SYTL4: variants seen among roughly 807,000 people sequenced by gnomAD.
SYTL4 encodes synaptotagmin-like protein 4.
A neutral mutation model predicts 52.7 loss-of-function variants in SYTL4; 16 were observed. The ratio of observed to expected loss-of-function variants is 0.30; its 90% confidence interval spans 0.21 to 0.46. The LOEUF (loss-of-function observed/expected upper bound fraction) is 0.46. SYTL4 is among the 20% of genes least tolerant of loss of function. The pLI, the probability that SYTL4 is intolerant of heterozygous loss-of-function variation, is 1.00. For missense variants in SYTL4, 423 were observed against 519.9 expected (o/e 0.81, Z 1.81); for synonymous variants, 160 against 186.6 (o/e 0.86, Z 1.16).
intron 2 of SYTL4, among the ~76,000 whole-genome samples, chrX:100,714,834 A>G: frequency 8.9e-6 from 1 of 111,875 alleles, no homozygotes; most frequent in Non-Finnish European, 1.9e-5. Flanking sequence ...AAAATCAAGT[A>G]TAAAAATAAA....
At chrX:100,703,027 G>C (rs765423773) in intron 4 of SYTL4, 66 bp downstream of exon 4, 4 of 111,376 alleles carry the variant, frequency 3.6e-5, no homozygotes, top group Non-Finnish European at 7.5e-5. Context: ...TTTGGGACCA[G>C]ATTACATAAC....
At chrX:100,682,234 T>A (rs1225031415) in intron 16 of SYTL4, among the ~76,000 whole-genome samples, 2 of 111,907 alleles carry the variant, frequency 1.8e-5, no homozygotes, top group Non-Finnish European at 3.8e-5. Context: ...AAACTTATCC[T>A]CGTTTCCTCT....
At chrX:100,685,922 A>G in intron 16 of SYTL4, 68 bp downstream of exon 16, 3 of 1,049,584 alleles carry the variant, frequency 2.9e-6, no homozygotes, top group Non-Finnish European at 3.8e-6. Flanking sequence ...ACCAACATAG[A>G]CCAGCAGAGG....
chrX:100,709,644 T>C (rs1233669554), intron 2 of SYTL4, among the ~76,000 whole-genome samples: 1 of 112,499 alleles, frequency 8.9e-6, no homozygotes, highest in African/African-American at 3.2e-5. Context: ...AAAATGAAGA[T>C]AAAAATTGTA....
At chrX:100,731,176 A>C (rs1233769745) in intron 2 of SYTL4, among the ~76,000 whole-genome samples, 1 of 111,780 alleles carries the variant, frequency 8.9e-6, no homozygotes, top group Non-Finnish European at 1.9e-5. Context: ...ATCCCACCTC[A>C]TTCAATGTTA....
intron 17 of SYTL4, 147 bp downstream of exon 17, chrX:100,681,080 G>T: frequency 4.2e-6 from 2 of 477,914 alleles, no homozygotes; most frequent in Admixed American, 7.1e-5. Context: ...ACGCAGAGAG[G>T]CTTCCTTAGT....
At chrX:100,699,161 G>A (rs2083780356) in intron 8 of SYTL4, among the ~76,000 whole-genome samples, 1 of 110,600 alleles carries the variant, frequency 9.0e-6, no homozygotes, top group Non-Finnish European at 1.9e-5. Flanking sequence ...GAAGTCAGGA[G>A]TTCAAGACCA....
chrX:100,730,922 TG>T lies in SYTL4; in HGVS notation c.-240+495del, dbSNP rs1680944104. On this transcript the variant is annotated intron_variant, in intron 2 of 19. Transcript: ENST00000372989. ...TCAATATTAATAGATTTATGAGAGG[TG>T]GGGGTGGGGAGCTTAAAGAGCAGAA... Among the ~76,000 whole-genome samples, 3 of 43,282 alleles carry T rather than the reference TG, an allele frequency of 6.9e-5. 1 individual carries two copies. Among genetic ancestry groups the T allele is most frequent in the Admixed American group, 5.9e-4 (2 of 3,395 alleles). 37.6% of individuals were successfully genotyped at this position (43,282 alleles called of 115,157 possible).
chrX:100,676,265 A>G (rs1005854231), intron 19 of SYTL4, 89 bp from the exon 20 acceptor site: 19 of 1,026,116 alleles, frequency 1.9e-5, no homozygotes, highest in Non-Finnish European at 2.5e-5. Context: ...TAGCCACCCC[A>G]TAACAGTTTC....
intron 12 of SYTL4, 67 bp downstream of exon 12, chrX:100,689,789 G>T: frequency 2.9e-6 from 2 of 684,391 alleles, no homozygotes; most frequent in Non-Finnish European, 4.5e-6. Context: ...AGAATATCAG[G>T]TACTAAAGCC....
chrX:100,715,943 C>A (rs2084194408), intron 2 of SYTL4, among the ~76,000 whole-genome samples: 1 of 51,658 alleles, frequency 1.9e-5, no homozygotes. Flanking sequence ...TTCTCTCTCT[C>A]TCAAAAAAAA....
At position 100,679,315 on chromosome X, in the gene SYTL4, C is replaced by T; in HGVS notation, c.1656G>A (p.Lys552=). The T allele has an allele frequency of 1.7e-6, 2 of 1,207,005 alleles. No homozygotes were observed. The highest frequency in any genetic ancestry group is 2.2e-6 in the Non-Finnish European group (2 of 891,450). Residue 552 remains lysine (K), a splice_region_variant and synonymous_variant, in exon 18 of 20, where the codon AAG becomes AAA. Coordinates refer to ENST00000372989, the MANE Select transcript of SYTL4 (RefSeq NM_001370165.1). ...KAGGTSDSFV[K]GYLLPMRNKA... Reference sequence around the variant, plus strand: ...TTGGGGCTGGTCTAGGGACTCACCCCTTGACAAAGCTGTCTGAAGTCCCTC... The same window carrying T: ...TTGGGGCTGGTCTAGGGACTCACCCTTTGACAAAGCTGTCTGAAGTCCCTC...
At chrX:100,689,714 C>A in intron 12 of SYTL4, 142 bp downstream of exon 12, 13 of 218,735 alleles carry the variant, frequency 5.9e-5, no homozygotes, top group Admixed American at 1.4e-4. Flanking sequence ...ACCAGATTTA[C>A]TTTAGAAACT....
intron 2 of SYTL4, among the ~76,000 whole-genome samples, chrX:100,713,076 G>A (rs2084107324): frequency 8.9e-6 from 1 of 112,346 alleles, no homozygotes; most frequent in South Asian, 3.7e-4. Flanking sequence ...CAGCTTAGCA[G>A]TTTCTTAAAA....
intron 2 of SYTL4, among the ~76,000 whole-genome samples, chrX:100,713,997 T>C (rs1212677963): frequency 9.0e-6 from 1 of 111,169 alleles, no homozygotes; most frequent in Non-Finnish European, 1.9e-5. Flanking sequence ...GATTACAACA[T>C]GGCACAAGGA....
At chrX:100,688,560 C>CT in intron 12 of SYTL4, 117 bp from the exon 13 acceptor site, 15 of 375,470 alleles carry the variant, frequency 4.0e-5, no homozygotes, top group South Asian at 1.1e-4. Flanking sequence ...CGCACACATA[C>CT]TTCTTTTTTT....
intron 19 of SYTL4, among the ~76,000 whole-genome samples, chrX:100,676,429 T>C (rs375387366): frequency 1.5e-4 from 17 of 111,954 alleles, no homozygotes; most frequent in African/African-American, 5.2e-4. Context: ...TACAGAGTTC[T>C]AGTGCCTGAC....
intron 2 of SYTL4, among the ~76,000 whole-genome samples, chrX:100,714,411 C>T (rs2084153054): frequency 9.1e-6 from 1 of 110,204 alleles, no homozygotes; most frequent in Non-Finnish European, 1.9e-5. Flanking sequence ...AGGCACCCGC[C>T]ACCACACCCG....
intron 2 of SYTL4, among the ~76,000 whole-genome samples, chrX:100,726,245 G>A (rs1465957041): frequency 1.8e-5 from 2 of 110,723 alleles, no homozygotes; most frequent in South Asian, 3.9e-4. Context: ...CTTTTTTCCA[G>A]TTTTATGGAG....
Sources: gnomAD v4.1 joint callset for allele counts (sites outside exome capture counted in the v4.1 genomes callset) on GRCh38, gnomAD v4.1.1 for gene constraint, MANE v1.5 for transcripts, NCBI Gene and HGNC (gene_info 2026-07-23, HGNC 2026-07-21) for gene names.